NDUFAF2: variants seen among roughly 807,000 people sequenced by gnomAD.
NDUFAF2 encodes NADH:ubiquinone oxidoreductase complex assembly factor 2, also known as NADH dehydrogenase [ubiquinone] 1 alpha subcomplex assembly factor 2.
NDUFAF2 carries 13 observed loss-of-function variants against 22.8 expected under a neutral mutation model. The observed-to-expected ratio is 0.57, with a 90% CI of 0.37 to 0.91. The LOEUF is 0.91. NDUFAF2 is among the 40% of genes least tolerant of loss of function. The pLI, the probability that NDUFAF2 is intolerant of heterozygous loss-of-function variation, is 0.01. For synonymous variants in NDUFAF2, 53 were observed against 64.2 expected (o/e 0.83, Z 0.84); for missense variants, 162 against 195.2 (o/e 0.83, Z 1.01).
At chr5:61,017,685 C>T (rs1212992838) in intron 1 of NDUFAF2, among the ~76,000 whole-genome samples, 23 of 152,190 alleles carry the variant, frequency 1.5e-4, no homozygotes, top group Non-Finnish European at 1.5e-5. Flanking sequence ...TAGAGGATTG[C>T]TTGAGCGCAG....
intron 1 of NDUFAF2, among the ~76,000 whole-genome samples, chr5:61,057,456 A>T (rs1752113568): frequency 6.6e-6 from 1 of 152,228 alleles, no homozygotes; most frequent in South Asian, 2.1e-4. Flanking sequence ...CCCATTGGCA[A>T]GATCTTGATT....
At chr5:61,045,079 T>TTTATTAAAATG (rs1751931993) in intron 1 of NDUFAF2, among the ~76,000 whole-genome samples, 1 of 141,728 alleles carries the variant, frequency 7.1e-6, no homozygotes, top group Non-Finnish European at 1.5e-5. Context: ...TTATTAAAAT[T>TTTATTAAAATG]TAATAAAATA....
intron 3 of NDUFAF2, among the ~76,000 whole-genome samples, chr5:61,113,102 T>C (rs1031584976): frequency 6.6e-6 from 1 of 152,196 alleles, no homozygotes; most frequent in Non-Finnish European, 1.5e-5. Context: ...CTTACTCTAC[T>C]GTCTTGAAAG....
chr5:61,030,447 A>G (rs1751708919), intron 1 of NDUFAF2, among the ~76,000 whole-genome samples: 1 of 152,118 alleles, frequency 6.6e-6, no homozygotes, highest in Non-Finnish European at 1.5e-5. Context: ...TGAAAATGGT[A>G]AGCTCTGCTG....
chr5:60,973,501 A>T (rs1453855608), intron 1 of NDUFAF2, among the ~76,000 whole-genome samples: 1 of 152,238 alleles, frequency 6.6e-6, no homozygotes, highest in African/African-American at 2.4e-5. Context: ...GGCTACAAAC[A>T]TGCGTGAACT....
chr5:61,100,390 A>G (rs150370391), intron 3 of NDUFAF2, among the ~76,000 whole-genome samples: 310 of 152,188 alleles, frequency 2.0e-3, no homozygotes, highest in Non-Finnish European at 3.5e-3. Context: ...ACCTCAAACA[A>G]TCTCTAGCCA....
chr5:61,000,523 A>G (rs1304676871), intron 1 of NDUFAF2, among the ~76,000 whole-genome samples: 1 of 152,188 alleles, frequency 6.6e-6, no homozygotes, highest in African/African-American at 2.4e-5. Flanking sequence ...AAAGTATACT[A>G]TATCCAAATA....
chr5:60,990,084 G>T (rs536463431), intron 1 of NDUFAF2, among the ~76,000 whole-genome samples: 1 of 152,170 alleles, frequency 6.6e-6, no homozygotes, highest in Non-Finnish European at 1.5e-5. Context: ...TCACTTATTT[G>T]TGGGAGCTAA....
Position 61,038,088 on chromosome 5 carries a change from A to AGAG in NDUFAF2, c.128-35037_128-35036insGAG, listed in dbSNP as rs1561547893. Among the ~76,000 whole-genome samples the AGAG allele has an allele frequency of 2.2e-4, 17 of 77,824 alleles. 2 individuals carry two copies. The East Asian group carries it at 3.3e-3, about 15-fold the overall frequency. The allele number at this position is 77,824 out of a possible 152,430, so 51.1% of individuals were successfully genotyped here. A position where few individuals can be genotyped will look rare whatever the true frequency, so the allele number is the denominator to read the frequency against. On this transcript the variant is annotated intron_variant, in intron 1 of 3. Coordinates refer to ENST00000296597, the MANE Select transcript of NDUFAF2 (RefSeq NM_174889.5). ...GGGGTGGGAGGGAGGGAGGCGGGGG[A>AGAG]AGAGAGAGAGAGAGAGAGAGAGAGA...
At chr5:61,099,756 G>T (rs1752684308) in intron 3 of NDUFAF2, among the ~76,000 whole-genome samples, 1 of 151,962 alleles carries the variant, frequency 6.6e-6, no homozygotes, top group South Asian at 2.1e-4. Flanking sequence ...GTACTGCCTT[G>T]TTTACTTTTT....
chr5:61,151,498 A>G (rs1426067552), intron 3 of NDUFAF2, among the ~76,000 whole-genome samples: 1 of 152,146 alleles, frequency 6.6e-6, no homozygotes, highest in Non-Finnish European at 1.5e-5. Context: ...GAAGGAATGG[A>G]CCAGGCGTGG....
At chr5:61,110,316 C>G (rs1752823080) in intron 3 of NDUFAF2, among the ~76,000 whole-genome samples, 1 of 150,974 alleles carries the variant, frequency 6.6e-6, no homozygotes, top group Non-Finnish European at 1.5e-5. Context: ...CTTTTGATAT[C>G]AGACAAAGAT....
At chr5:61,006,047 T>C (rs1033035350) in intron 1 of NDUFAF2, among the ~76,000 whole-genome samples, 9 of 152,104 alleles carry the variant, frequency 5.9e-5, no homozygotes, top group African/African-American at 2.2e-4. Flanking sequence ...ATTGCCTAGG[T>C]TTTCTTGTAG....
chr5:61,061,719 C>G (rs1446525147), intron 1 of NDUFAF2, among the ~76,000 whole-genome samples: 6 of 152,172 alleles, frequency 3.9e-5, no homozygotes, highest in African/African-American at 1.4e-4. Flanking sequence ...ACCCAACTCT[C>G]CAGACACTCT....
At chr5:61,057,353 A>C (rs1478572437) in intron 1 of NDUFAF2, among the ~76,000 whole-genome samples, 1 of 152,192 alleles carries the variant, frequency 6.6e-6, no homozygotes, top group East Asian at 1.9e-4. Context: ...ACATTGTCTT[A>C]CAACCAGTTA....
At chr5:60,947,106 G>A (rs530376574) in intron 1 of NDUFAF2, among the ~76,000 whole-genome samples, 85 of 152,286 alleles carry the variant, frequency 5.6e-4, no homozygotes, top group African/African-American at 2.0e-3. Flanking sequence ...TTGTGTGAAC[G>A]TAAGTTTTCA....
intron 1 of NDUFAF2, among the ~76,000 whole-genome samples, chr5:61,059,599 T>C (rs534223935): frequency 2.4e-4 from 36 of 152,190 alleles, no homozygotes; most frequent in Middle Eastern, 3.4e-3. Flanking sequence ...TCATATTATA[T>C]AAAGCATTTC....
chr5:61,150,633 G>A (rs1276780219), intron 3 of NDUFAF2, among the ~76,000 whole-genome samples: 1 of 152,124 alleles, frequency 6.6e-6, no homozygotes, highest in Non-Finnish European at 1.5e-5. Context: ...AAATAAAGTA[G>A]GCAGGGGCAC....
chr5:61,055,038 A>C (rs185966393), intron 1 of NDUFAF2, among the ~76,000 whole-genome samples: 18 of 152,350 alleles, frequency 1.2e-4, no homozygotes, highest in African/African-American at 3.8e-4. Flanking sequence ...GTTTCATTAT[A>C]TGTAGTGTAA....
Sources: allele counts gnomAD v4.1 joint callset (sites outside exome capture counted in the v4.1 genomes callset), GRCh38; gene constraint gnomAD v4.1.1; transcripts MANE v1.5; gene names NCBI Gene and HGNC (gene_info 2026-07-23, HGNC 2026-07-21).